The following SNAPC3 variants were observed in gnomAD, a reference collection of about 807,000 sequenced individuals.
SNAPC3 encodes the protein snRNA-activating protein complex subunit 3.
In SNAPC3, 56 loss-of-function variants were observed where a neutral mutation model predicts 47.7. The ratio of observed to expected loss-of-function variants is 1.18; its 90% CI spans 0.95 to 1.47. The LOEUF (loss-of-function observed/expected upper bound fraction) is 1.47. SNAPC3 is among the 40% of genes most tolerant of loss of function. The probability of loss-of-function intolerance (pLI) is 0.00; values close to 1 mark genes in which losing one functional copy is unlikely to be tolerated. For synonymous variants in SNAPC3, 235 were observed against 189.9 expected (o/e 1.24, Z -1.95); for missense variants, 665 against 511.3 (o/e 1.30, Z -2.90).
intron 3 of SNAPC3, among the ~76,000 whole-genome samples, chr9:15,437,969 G>A (rs1002200695): frequency 1.3e-5 from 2 of 152,180 alleles, no homozygotes; most frequent in Non-Finnish European, 2.9e-5. Context: ...TTGTCTCACT[G>A]TGGTATCAAG....
At position 15,453,298 on chromosome 9, in the gene SNAPC3, T is replaced by G. The variant is rs926877012; in HGVS notation, c.980+93T>G. On this transcript the variant is annotated intron_variant, in intron 7 of 8. Transcript: ENST00000380821. ...ATAGTTTTTTTAAAAATAAGAGGAG[T>G]AAAAGTAATAACCATTGCAACTTGG... 1.1e-5 allele frequency: 11 copies of G among 993,800 alleles called. No homozygotes were observed. The African/African-American group carries it at 1.6e-4, about 15-fold the overall frequency. 61.6% of individuals were successfully genotyped at this position (993,800 alleles called of 1,614,324 possible). A position where few individuals can be genotyped will look rare whatever the true frequency, so the allele number is the denominator to read the frequency against.
At chr9:15,445,454 A>G (rs1246265926) in intron 4 of SNAPC3, among the ~76,000 whole-genome samples, 1 of 152,222 alleles carries the variant, frequency 6.6e-6, no homozygotes, top group Non-Finnish European at 1.5e-5. Context: ...TATTAAGTCA[A>G]GGGTATCTAG....
At chr9:15,435,418 C>G (rs1325362098) in intron 3 of SNAPC3, among the ~76,000 whole-genome samples, 1 of 152,058 alleles carries the variant, frequency 6.6e-6, no homozygotes, top group African/African-American at 2.4e-5. Context: ...ACTAAAAATA[C>G]AAAAATTAGC....
chr9:15,451,403 GTA>G lies in SNAPC3; in HGVS notation c.815+4_815+5del, dbSNP rs1563852159. On this transcript the variant is annotated splice_donor_variant and splice_donor_region_variant and intron_variant, in intron 6 of 8. Coordinates refer to ENST00000380821, the MANE Select transcript of SNAPC3 (RefSeq NM_001039697.2). LOFTEE classifies it high-confidence loss of function. ...ACCCAGAATGCAGAGATTTGAGCAG[GTA>G]TAGTTTCCAAAAATCTTCTCAAAGT... is the stretch of plus-strand genomic sequence containing the variant. 6.9e-7 allele frequency: 1 copy of G among 1,457,076 alleles called. No homozygotes were observed. The highest frequency in any genetic ancestry group is 9.4e-7 in the Non-Finnish European group (1 of 1,066,480). The allele number at this position is 1,457,076 out of a possible 1,614,324, so 90.3% of individuals were successfully genotyped here.
At position 15,449,563 on chromosome 9, in the gene SNAPC3, ATTTTTT is replaced by A. The variant is rs568645696; in HGVS notation, c.733-1738_733-1733del. Among the ~76,000 whole-genome samples, 200 of 39,396 alleles carry A rather than the reference ATTTTTT, an allele frequency of 5.1e-3. 3 individuals carry two copies. The highest frequency in any genetic ancestry group is 0.017 in the African/African-American group (161 of 9,352). The allele number at this position is 39,396 out of a possible 152,430, so 25.8% of individuals were successfully genotyped here. A position where few individuals can be genotyped will look rare whatever the true frequency, so the allele number is the denominator to read the frequency against. ...TATATATATATATATATATATATAT[ATTTTTT>A]TTTTTTTTTTTTTTTTTTGAGACAG... On this transcript the variant is annotated intron_variant, in intron 5 of 8. Coordinates refer to ENST00000380821, the MANE Select transcript of SNAPC3 (RefSeq NM_001039697.2).
Position 15,433,598 on chromosome 9 carries a change from G to T in SNAPC3, c.439G>T (p.Asp147Tyr), listed in dbSNP as rs1267295745. 1.2e-6 allele frequency: 2 copies of T among 1,609,808 alleles called. No homozygotes were observed. The highest frequency in any genetic ancestry group is 1.7e-5 in the Admixed American group (1 of 59,764). ...LEHREETITI[D>Y]RACRQETFVY... Reference sequence around the variant, plus strand: ...ACATCGGGAAGAAACCATTACAATAGATCGAGCCTGCAGACAAGAAACATT... The same window carrying T: ...ACATCGGGAAGAAACCATTACAATATATCGAGCCTGCAGACAAGAAACATT... Residue 147 changes from aspartate (D) to tyrosine (Y), a missense_variant, in exon 3 of 9, where the codon GAT (aspartate) becomes TAT (tyrosine). Coordinates refer to ENST00000380821, the MANE Select transcript of SNAPC3 (RefSeq NM_001039697.2).
At chr9:15,447,805 A>G (rs553715953) in intron 5 of SNAPC3, among the ~76,000 whole-genome samples, 28 of 152,284 alleles carry the variant, frequency 1.8e-4, no homozygotes, top group Admixed American at 1.3e-3. Context: ...TCGCTGCCCA[A>G]GGACCAATAC....
chr9:15,432,575 G>A (rs1208392698), intron 2 of SNAPC3, among the ~76,000 whole-genome samples: 7 of 151,854 alleles, frequency 4.6e-5, no homozygotes, highest in Non-Finnish European at 8.8e-5. Flanking sequence ...CTGAAAGAAC[G>A]GGAGCTCCTA....
chr9:15,454,727 G>C (rs780955815), intron 7 of SNAPC3, among the ~76,000 whole-genome samples: 5 of 152,088 alleles, frequency 3.3e-5, no homozygotes, highest in Non-Finnish European at 7.4e-5. Context: ...CACGAGGTCA[G>C]GAGATCGAGA....
chr9:15,458,476 C>T (rs938870752), intron 8 of SNAPC3, among the ~76,000 whole-genome samples: 1 of 152,120 alleles, frequency 6.6e-6, no homozygotes, highest in African/African-American at 2.4e-5. Context: ...CTTGTTTAAT[C>T]CAAAATGCTC....
intron 3 of SNAPC3, among the ~76,000 whole-genome samples, chr9:15,436,919 G>A (rs1458184598): frequency 6.7e-6 from 1 of 150,314 alleles, no homozygotes; most frequent in African/African-American, 2.4e-5. Context: ...CGCCTCCCGG[G>A]TTCGAGCGAT....
At chr9:15,447,386 C>G (rs1054586309) in intron 5 of SNAPC3, 142 bp downstream of exon 5, 1 of 726,918 alleles carries the variant, frequency 1.4e-6, no homozygotes, top group Middle Eastern at 2.9e-4. Context: ...CATTCCTTCC[C>G]TTTATCACCG....
intron 7 of SNAPC3, among the ~76,000 whole-genome samples, chr9:15,454,262 G>A (rs978378969): frequency 2.0e-5 from 3 of 151,614 alleles, no homozygotes; most frequent in Non-Finnish European, 4.4e-5. Context: ...GAAAGAAGCT[G>A]ATGCTTTCAG....
At chr9:15,448,487 A>G (rs1343467448) in intron 5 of SNAPC3, among the ~76,000 whole-genome samples, 3 of 152,120 alleles carry the variant, frequency 2.0e-5, no homozygotes, top group Non-Finnish European at 2.9e-5. Flanking sequence ...CTCACCAATT[A>G]TATGCAATTT....
At chr9:15,440,948 CAAAA>C (rs1199527486) in intron 3 of SNAPC3, among the ~76,000 whole-genome samples, 1 of 121,656 alleles carries the variant, frequency 8.2e-6, no homozygotes, top group Non-Finnish European at 1.7e-5. Flanking sequence ...GACTCCGTCT[CAAAA>C]AAAAAAAAAA....
chr9:15,434,031 G>C (rs538335386), intron 3 of SNAPC3, among the ~76,000 whole-genome samples: 1 of 152,310 alleles, frequency 6.6e-6, no homozygotes, highest in East Asian at 1.9e-4. Context: ...GGAATTAGGA[G>C]CTAGTAGACA....
At chr9:15,454,823 A>C (rs1371341658) in intron 7 of SNAPC3, among the ~76,000 whole-genome samples, 1 of 152,146 alleles carries the variant, frequency 6.6e-6, no homozygotes, top group Non-Finnish European at 1.5e-5. Flanking sequence ...AGTCCTAGCT[A>C]CTCGGGAGGC....
chr9:15,454,985 T>C (rs2034667841), intron 7 of SNAPC3, among the ~76,000 whole-genome samples: 1 of 152,056 alleles, frequency 6.6e-6, no homozygotes, highest in Non-Finnish European at 1.5e-5. Context: ...AGAGAATTAA[T>C]AGATTAATAG....
At chr9:15,430,248 T>C (rs2031966494) in intron 2 of SNAPC3, among the ~76,000 whole-genome samples, 1 of 152,044 alleles carries the variant, frequency 6.6e-6, no homozygotes. Context: ...CTCGGCAAGA[T>C]AGGGAGAACC....
Sources: allele counts gnomAD v4.1 joint callset (sites outside exome capture counted in the v4.1 genomes callset), GRCh38; gene constraint gnomAD v4.1.1; transcripts MANE v1.5; gene names NCBI Gene and HGNC (gene_info 2026-07-23, HGNC 2026-07-21).